TXNRD1: variants seen among roughly 807,000 people sequenced by gnomAD.
The protein encoded by TXNRD1 is thioredoxin reductase 1, cytoplasmic.
A neutral mutation model predicts 80.3 loss-of-function variants in TXNRD1; 57 were observed. That is an observed-to-expected ratio of 0.71 (90% CI 0.57 to 0.89). The LOEUF (loss-of-function observed/expected upper bound fraction) is 0.89, where lower values mean the gene tolerates loss of function less well. Among genes scored for constraint, TXNRD1 ranks in the 40% least tolerant of loss-of-function variants. The pLI is 0.00. For missense variants in TXNRD1, 730 were observed against 803.0 expected, an observed-to-expected ratio of 0.91 and a Z score of 1.10; for synonymous variants, 291 against 285.2, an observed-to-expected ratio of 1.02 and a Z score of -0.20.
chr12:104,265,177 G>T (rs960531614), intron 3 of TXNRD1: 12 of 809,424 alleles, frequency 1.5e-5, no homozygotes, highest in Non-Finnish European at 2.3e-5. Context: ...GCTTGAACCC[G>T]GGAGGTGGAG....
chr12:104,272,711 G>T (rs993687179), intron 3 of TXNRD1, among the ~76,000 whole-genome samples: 2 of 151,506 alleles, frequency 1.3e-5, no homozygotes, highest in African/African-American at 4.9e-5. Context: ...AGAATGGCAT[G>T]AACCTGGGAG....
At chr12:104,277,753 G>T (rs188542968) in intron 3 of TXNRD1, among the ~76,000 whole-genome samples, 1 of 151,850 alleles carries the variant, frequency 6.6e-6, no homozygotes, top group Non-Finnish European at 1.5e-5. Context: ...TGTTTTTACC[G>T]GTTTTTAGCC....
At chr12:104,267,179 A>AT (rs33998789) in intron 3 of TXNRD1, among the ~76,000 whole-genome samples, 40,211 of 139,860 alleles carry the variant, frequency 0.29, 6,491 homozygotes, top group Non-Finnish European at 0.35. Flanking sequence ...AAAAAAAAAA[A>AT]ATAATATAAT....
At chr12:104,266,266 G>A (rs1168727181) in intron 3 of TXNRD1, among the ~76,000 whole-genome samples, 1 of 152,154 alleles carries the variant, frequency 6.6e-6, no homozygotes, top group East Asian at 1.9e-4. Context: ...GGTGGCTTAC[G>A]CCTGTAATCC....
At chr12:104,280,897 C>A (rs766441855) in intron 3 of TXNRD1, among the ~76,000 whole-genome samples, 16 of 152,166 alleles carry the variant, frequency 1.1e-4, no homozygotes, top group Non-Finnish European at 1.8e-4. Context: ...AAAAATCTCT[C>A]TATATATACA....
intron 7 of TXNRD1, among the ~76,000 whole-genome samples, chr12:104,318,551 C>G (rs961621432): frequency 6.6e-6 from 1 of 152,188 alleles, no homozygotes; most frequent in African/African-American, 2.4e-5. Context: ...TGTAGTAACT[C>G]CATACTCGGC....
At chr12:104,229,735 G>C (rs898158827) in intron 1 of TXNRD1, among the ~76,000 whole-genome samples, 4 of 151,924 alleles carry the variant, frequency 2.6e-5, no homozygotes, top group Admixed American at 6.6e-5. Flanking sequence ...TGGGATTATA[G>C]GCGCACGCTA....
intron 4 of TXNRD1, among the ~76,000 whole-genome samples, chr12:104,300,430 A>G (rs908310461): frequency 6.6e-6 from 1 of 152,242 alleles, no homozygotes; most frequent in East Asian, 1.9e-4. Flanking sequence ...GTTTCTTTGA[A>G]GTACCAGTGC....
At chr12:104,259,336 G>C (rs1038123867) in intron 3 of TXNRD1, among the ~76,000 whole-genome samples, 1 of 148,994 alleles carries the variant, frequency 6.7e-6, no homozygotes, top group African/African-American at 2.5e-5. Flanking sequence ...AGCCAAGATC[G>C]CACCACAGCA....
chr12:104,311,938 ACCATTGCACT>A, intron 5 of TXNRD1, among the ~76,000 whole-genome samples: 1 of 152,038 alleles, frequency 6.6e-6, no homozygotes. Flanking sequence ...CTGAGATCGC[ACCATTGCACT>A]CCAGCCTGGT....
intron 4 of TXNRD1, among the ~76,000 whole-genome samples, chr12:104,291,359 C>T (rs781388625): frequency 2.0e-5 from 3 of 150,906 alleles, no homozygotes; most frequent in African/African-American, 4.9e-5. Flanking sequence ...CGCCACCACA[C>T]CCTGCTAATT....
At chr12:104,287,302 T>C (rs1279359823) in intron 3 of TXNRD1, 1 of 1,613,830 alleles carries the variant, frequency 6.2e-7, no homozygotes, top group Non-Finnish European at 8.5e-7. Context: ...CTTCGTGGCG[T>C]GTGCGGTTTC....
At chr12:104,252,660 T>TATATATATATATATATATATA (rs1182730147) in intron 2 of TXNRD1, among the ~76,000 whole-genome samples, 2 of 53,206 alleles carry the variant, frequency 3.8e-5, no homozygotes, top group African/African-American at 2.1e-4. Context: ...ATTTATTATT[T>TATATATATATATATATATATA]TTTATATATA....
intron 3 of TXNRD1, among the ~76,000 whole-genome samples, chr12:104,263,424 G>A (rs2033409527): frequency 6.6e-6 from 1 of 152,126 alleles, no homozygotes. Context: ...GGTGTTCCTA[G>A]ATGTGATGGT....
intron 4 of TXNRD1, among the ~76,000 whole-genome samples, chr12:104,306,408 T>C (rs2034917434): frequency 6.6e-6 from 1 of 152,202 alleles, no homozygotes; most frequent in South Asian, 2.1e-4. Flanking sequence ...ACCCATAAGC[T>C]TTCTTCCCCT....
intron 4 of TXNRD1, chr12:104,304,704 A>C: frequency 6.2e-7 from 1 of 1,613,748 alleles, no homozygotes; most frequent in Non-Finnish European, 8.5e-7. Flanking sequence ...CGTACTGTGG[A>C]GAATATATTT....
At chr12:104,324,352 C>T (rs1213442774) in intron 10 of TXNRD1, among the ~76,000 whole-genome samples, 3 of 145,976 alleles carry the variant, frequency 2.1e-5, no homozygotes, top group African/African-American at 7.6e-5. Context: ...AGGTGGGTTT[C>T]GTTTTTTTTT....
intron 13 of TXNRD1, among the ~76,000 whole-genome samples, chr12:104,328,004 CA>C (rs1416006575): frequency 2.6e-5 from 4 of 151,296 alleles, no homozygotes; most frequent in Admixed American, 1.3e-4. Flanking sequence ...ACTAAAAATA[CA>C]AAAATTAGCT....
At chr12:104,230,111 C>T (rs1236688442) in intron 1 of TXNRD1, among the ~76,000 whole-genome samples, 1 of 151,814 alleles carries the variant, frequency 6.6e-6, no homozygotes, top group African/African-American at 2.4e-5. Context: ...GCTCTGTCAC[C>T]CAGGCTGGAG....
Sources: allele counts gnomAD v4.1 joint callset (sites outside exome capture counted in the v4.1 genomes callset), GRCh38; gene constraint gnomAD v4.1.1; transcripts MANE v1.5; gene names NCBI Gene and HGNC (gene_info 2026-07-23, HGNC 2026-07-21).